GPC5: variants seen among roughly 807,000 people sequenced by gnomAD.
GPC5 encodes the protein glypican-5.
In GPC5, 47 loss-of-function variants were observed where a neutral mutation model predicts 53.9. The ratio of observed to expected loss-of-function variants is 0.87; its 90% CI spans 0.69 to 1.11. GPC5 has a LOEUF of 1.11. GPC5 is among the 50% of genes most tolerant of loss of function. The pLI is 0.00. For missense variants in GPC5, 748 were observed against 713.1 expected (o/e 1.05, Z -0.56); for synonymous variants, 286 against 263.3 (o/e 1.09, Z -0.84).
At chr13:91,942,563 A>G (rs934275262) in intron 6 of GPC5, among the ~76,000 whole-genome samples, 3 of 152,086 alleles carry the variant, frequency 2.0e-5, no homozygotes, top group African/African-American at 7.2e-5. Flanking sequence ...AACTCAGCTC[A>G]TTTTTAATAT....
rs553579308 is a variant in GPC5, at chr13:91,891,673, G to A, written c.1281-16264G>A. The stretch of plus-strand genomic sequence containing the variant: ...GAGAGAAAATGTCCATAAATCTGGA[G>A]AATTAAGTAAGAATCAACAACGTTT... On this transcript the variant is annotated intron_variant, in intron 5 of 7. Coordinates refer to ENST00000377067, the MANE Select transcript of GPC5 (RefSeq NM_004466.6). 1.5e-3 allele frequency among the ~76,000 whole-genome samples: 225 copies of A among 152,180 alleles called. 1 individual carries two copies. In the Middle Eastern group the frequency reaches 0.054, roughly 37 times the overall value.
At chr13:92,285,742 A>C (rs572524800) in intron 7 of GPC5, among the ~76,000 whole-genome samples, 3 of 152,348 alleles carry the variant, frequency 2.0e-5, no homozygotes, top group African/African-American at 7.2e-5. Context: ...AAATTAATTC[A>C]AGATGGATTA....
At chr13:91,730,839 C>A (rs900657053) in intron 4 of GPC5, among the ~76,000 whole-genome samples, 2 of 152,094 alleles carry the variant, frequency 1.3e-5, no homozygotes, top group African/African-American at 4.8e-5. Context: ...TTTAGGTTAT[C>A]TTAGGTGCAG....
At chr13:92,232,820 C>G (rs1000189016) in intron 7 of GPC5, among the ~76,000 whole-genome samples, 1 of 152,168 alleles carries the variant, frequency 6.6e-6, no homozygotes, top group East Asian at 1.9e-4. Context: ...CTAATCTAAA[C>G]ATATCATGTT....
At chr13:91,538,042 A>T (rs1157930515) in intron 2 of GPC5, among the ~76,000 whole-genome samples, 3 of 152,272 alleles carry the variant, frequency 2.0e-5, no homozygotes, top group Non-Finnish European at 4.4e-5. Flanking sequence ...ATATTCAGTT[A>T]TAAACAGAAA....
chr13:92,538,770 T>C (rs1311597488), intron 7 of GPC5, among the ~76,000 whole-genome samples: 2 of 65,568 alleles, frequency 3.1e-5, no homozygotes, highest in Admixed American at 2.2e-4. Context: ...GCTTCATCCA[T>C]GTCCCTGCAA....
intron 7 of GPC5, among the ~76,000 whole-genome samples, chr13:92,286,439 T>C (rs1268102663): frequency 6.6e-6 from 1 of 152,154 alleles, no homozygotes; most frequent in East Asian, 1.9e-4. Context: ...TGCCCATGTA[T>C]GTTTATTTCG....
chr13:92,864,809 C>T (rs1457046072), intron 7 of GPC5, among the ~76,000 whole-genome samples: 1 of 152,112 alleles, frequency 6.6e-6, no homozygotes, highest in East Asian at 1.9e-4. Context: ...CAGAGCTTTG[C>T]TTCGTTTTAG....
chr13:92,475,470 A>G (rs1318204942), intron 7 of GPC5, among the ~76,000 whole-genome samples: 1 of 148,390 alleles, frequency 6.7e-6, no homozygotes, highest in African/African-American at 2.5e-5. Flanking sequence ...AGCAATTGTG[A>G]ATGGGAGTTC....
intron 2 of GPC5, among the ~76,000 whole-genome samples, chr13:91,647,975 A>T (rs1186758364): frequency 6.6e-6 from 1 of 152,212 alleles, no homozygotes; most frequent in East Asian, 1.9e-4. Context: ...CTGTTCTCTG[A>T]TTGCAGAGTC....
At chr13:92,545,737 C>CATAT (rs1288082601) in intron 7 of GPC5, among the ~76,000 whole-genome samples, 1 of 152,122 alleles carries the variant, frequency 6.6e-6, no homozygotes, top group Admixed American at 6.5e-5. Flanking sequence ...AGTGTCTGTT[C>CATAT]ATATCCTTTG....
intron 2 of GPC5, among the ~76,000 whole-genome samples, chr13:91,499,104 T>C (rs548564177): frequency 6.6e-6 from 1 of 151,948 alleles, no homozygotes; most frequent in East Asian, 1.9e-4. Context: ...GGAGGTAGAG[T>C]TGGGTGGACA....
chr13:92,844,941 C>A (rs1228744351), intron 7 of GPC5, among the ~76,000 whole-genome samples: 2 of 152,044 alleles, frequency 1.3e-5, no homozygotes, highest in Admixed American at 1.3e-4. Context: ...CCACACTGCT[C>A]ACAGATACAG....
intron 7 of GPC5, among the ~76,000 whole-genome samples, chr13:92,638,560 A>G (rs1301860231): frequency 1.5e-5 from 2 of 130,352 alleles, no homozygotes; most frequent in African/African-American, 5.2e-5. Flanking sequence ...GTTTTCTCTT[A>G]TACTCCTCTT....
chr13:92,248,718 C>A (rs187491799), intron 7 of GPC5, among the ~76,000 whole-genome samples: 2 of 152,212 alleles, frequency 1.3e-5, no homozygotes, highest in Non-Finnish European at 2.9e-5. Context: ...GGATTCTAAC[C>A]TGCAAAAGGC....
At chr13:91,481,476 T>G (rs1032064647) in intron 2 of GPC5, among the ~76,000 whole-genome samples, 3 of 152,214 alleles carry the variant, frequency 2.0e-5, no homozygotes, top group African/African-American at 7.2e-5. Context: ...CAATTTTGTC[T>G]TGTGCCATTA....
intron 3 of GPC5, among the ~76,000 whole-genome samples, chr13:91,716,854 G>A (rs2036349129): frequency 6.6e-6 from 1 of 152,228 alleles, no homozygotes; most frequent in Non-Finnish European, 1.5e-5. Flanking sequence ...ATTGTCATGT[G>A]ACTATTTCCA....
chr13:92,150,326 T>C (rs1021014727), intron 7 of GPC5, among the ~76,000 whole-genome samples: 1 of 152,036 alleles, frequency 6.6e-6, no homozygotes, highest in African/African-American at 2.4e-5. Context: ...TCCAGTTTAA[T>C]GTTCAAAATT....
At chr13:92,598,041 G>A (rs1034672559) in intron 7 of GPC5, among the ~76,000 whole-genome samples, 1 of 152,106 alleles carries the variant, frequency 6.6e-6, no homozygotes, top group Non-Finnish European at 1.5e-5. Context: ...CCTGAGTCAA[G>A]GTTCCTAGGT....
Sources: allele counts gnomAD v4.1 joint callset (sites outside exome capture counted in the v4.1 genomes callset), GRCh38; gene constraint gnomAD v4.1.1; transcripts MANE v1.5; gene names NCBI Gene and HGNC (gene_info 2026-07-23, HGNC 2026-07-21).